Variants in FER observed in about 807,000 individuals in gnomAD.
FER encodes the protein tyrosine-protein kinase Fer.
In FER, 63 loss-of-function variants were observed where a neutral mutation model predicts 111.0. The ratio of observed to expected loss-of-function variants is 0.57; its 90% confidence interval spans 0.46 to 0.70. FER has a LOEUF of 0.70. FER is among the 30% of genes least tolerant of loss of function. The probability of loss-of-function intolerance (pLI) is 0.00; values close to 1 mark genes in which losing one functional copy is unlikely to be tolerated. For synonymous variants in FER, 327 were observed against 313.9 expected (o/e 1.04, Z -0.44); for missense variants, 914 against 954.0 (o/e 0.96, Z 0.55).
At chr5:109,075,980 A>C (rs1776289975) in intron 16 of FER, among the ~76,000 whole-genome samples, 1 of 152,010 alleles carries the variant, frequency 6.6e-6, no homozygotes, top group Non-Finnish European at 1.5e-5. Flanking sequence ...TTCAGAAAAG[A>C]AAAATGAAAA....
chr5:109,009,044 CTTTTTTTTT>C (rs1030906789), intron 13 of FER, among the ~76,000 whole-genome samples: 2 of 116,014 alleles, frequency 1.7e-5, no homozygotes, highest in Non-Finnish European at 3.4e-5. Context: ...CCTCTTCAGT[CTTTTTTTTT>C]TTTTTTTTTT....
chr5:109,047,177 A>G lies in FER; in HGVS notation c.1903A>G (p.Ile635Val), dbSNP rs1561822528. ...TTGCACACAAAGACAGCCTGTCTAC[A>G]TCATTATGGAACTGGTTTCAGGTAA... ...GVCTQRQPVY[I>V]IMELVSGGDF... The change falls in exon 16 of 20, where the codon ATC becomes GTC. Residue 635 changes from isoleucine to valine, a missense_variant. Around this residue, in one of 3 missense-constraint regions of FER, gnomAD observed 774 missense variants for 782.6 expected, o/e 0.99. Transcript: ENST00000281092. The G allele has an allele frequency of 6.2e-7, 1 of 1,602,728 alleles. No individual in the cohort carries two copies. Among genetic ancestry groups the G allele is most frequent in the Non-Finnish European group, 8.5e-7 (1 of 1,173,392 alleles).
intron 6 of FER, among the ~76,000 whole-genome samples, chr5:108,868,346 A>G (rs983273783): frequency 2.0e-5 from 3 of 151,864 alleles, no homozygotes; most frequent in Non-Finnish European, 2.9e-5. Context: ...TTTTTTCTGT[A>G]TAAGATTAAA....
In FER at chr5:108,959,372, CTG is replaced by C. The variant is rs777811359; in HGVS notation, c.1656+27_1656+28del. On this transcript the variant is annotated intron_variant, in intron 13 of 19. Transcript: ENST00000281092. ...GGTAGGTGCTTATATACTTTTTTGT[CTG>C]TTTGTTTTAAAAGAATTTTTGGTGA... is the stretch of plus-strand genomic sequence containing the variant. 3 of 1,560,668 alleles carry C rather than the reference CTG, an allele frequency of 1.9e-6. No individual in the cohort carries two copies. The African/African-American group carries it at 4.2e-5, about 22-fold the overall frequency.
At chr5:109,067,045 C>G (rs894691970) in intron 16 of FER, among the ~76,000 whole-genome samples, 5 of 152,108 alleles carry the variant, frequency 3.3e-5, no homozygotes, top group Non-Finnish European at 7.4e-5. Flanking sequence ...ATAGCAAATG[C>G]AAAAACCTGT....
intron 1 of FER, among the ~76,000 whole-genome samples, chr5:108,750,811 C>T (rs1750406062): frequency 6.6e-6 from 1 of 152,172 alleles, no homozygotes; most frequent in Non-Finnish European, 1.5e-5. Flanking sequence ...GAACCCACCA[C>T]CTATATATTT....
intron 3 of FER, among the ~76,000 whole-genome samples, chr5:108,822,565 G>C (rs1758966105): frequency 6.6e-6 from 1 of 152,080 alleles, no homozygotes; most frequent in Non-Finnish European, 1.5e-5. Context: ...TGCTACAAGA[G>C]CTAATCTAGT....
At chr5:109,103,808 G>A (rs944378850) in intron 17 of FER, among the ~76,000 whole-genome samples, 2 of 152,078 alleles carry the variant, frequency 1.3e-5, no homozygotes, top group Non-Finnish European at 2.9e-5. Context: ...GAAGTTAAGG[G>A]GAGTCAGGAT....
intron 2 of FER, among the ~76,000 whole-genome samples, chr5:108,773,769 A>G (rs1753181580): frequency 6.6e-6 from 1 of 152,138 alleles, no homozygotes; most frequent in Admixed American, 6.5e-5. Context: ...AGGAATCGCC[A>G]CACTGTCTTC....
intron 17 of FER, among the ~76,000 whole-genome samples, chr5:109,163,128 A>G (rs1027089067): frequency 6.6e-6 from 1 of 152,112 alleles, no homozygotes; most frequent in Non-Finnish European, 1.5e-5. Context: ...AGATCATTTC[A>G]TTAGAACAAA....
chr5:108,996,642 C>T (rs931121000), intron 13 of FER, among the ~76,000 whole-genome samples: 2 of 152,160 alleles, frequency 1.3e-5, no homozygotes, highest in Non-Finnish European at 1.5e-5. Context: ...ATACCAGTAC[C>T]ATGCTGTTTT....
chr5:108,841,576 A>C (rs1370363856), intron 5 of FER, among the ~76,000 whole-genome samples: 1 of 151,986 alleles, frequency 6.6e-6, no homozygotes, highest in Admixed American at 6.6e-5. Flanking sequence ...TGCCTTAACA[A>C]CTCCCTTTGA....
intron 3 of FER, among the ~76,000 whole-genome samples, chr5:108,824,054 T>G (rs1462973820): frequency 6.6e-6 from 1 of 152,196 alleles, no homozygotes; most frequent in Non-Finnish European, 1.5e-5. Flanking sequence ...TATTGTGTAT[T>G]CTTGGTGCCC....
intron 16 of FER, among the ~76,000 whole-genome samples, chr5:109,071,475 T>A (rs1775754550): frequency 1.3e-5 from 2 of 150,388 alleles, no homozygotes; most frequent in African/African-American, 4.8e-5. Context: ...AGTAAACCAT[T>A]TTATAGTGAC....
At position 109,188,258 on chromosome 5, in the gene FER, T is replaced by C. The variant is rs1009994707; in HGVS notation, c.*683T>C. The C allele has an allele frequency of 1.4e-5, 2 of 142,308 alleles. No homozygotes were observed. Among genetic ancestry groups the C allele is most frequent in the Non-Finnish European group, 3.1e-5 (2 of 65,350 alleles). The allele number at this position is 142,308 out of a possible 1,614,324, so 8.8% of individuals were successfully genotyped here. ...CTGTAATCCCAGGCATGTAATCTCATGCCTGGGATTACAGGCGTGAGCCAC... is the reference window on the plus strand; with the variant it reads ...CTGTAATCCCAGGCATGTAATCTCACGCCTGGGATTACAGGCGTGAGCCAC... On this transcript the variant is annotated 3_prime_UTR_variant, in exon 20 of 20. Transcript: ENST00000281092.
intron 17 of FER, among the ~76,000 whole-genome samples, chr5:109,115,769 T>A (rs1194463873): frequency 6.6e-6 from 1 of 152,098 alleles, no homozygotes; most frequent in Non-Finnish European, 1.5e-5. Flanking sequence ...ATTTATAAAC[T>A]TGGTAGTTAG....
At chr5:109,176,738 A>G (rs569867395) in intron 17 of FER, among the ~76,000 whole-genome samples, 28 of 152,312 alleles carry the variant, frequency 1.8e-4, no homozygotes, top group Non-Finnish European at 3.7e-4. Flanking sequence ...TCCCATAAAT[A>G]TGTACGATTA....
At chr5:108,931,406 C>T (rs116899432) in intron 10 of FER, among the ~76,000 whole-genome samples, 4 of 152,042 alleles carry the variant, frequency 2.6e-5, no homozygotes, top group East Asian at 1.9e-4. Flanking sequence ...TGTCACTGAA[C>T]GAAGGATTTC....
intron 9 of FER, among the ~76,000 whole-genome samples, chr5:108,887,031 A>T (rs1026140815): frequency 6.6e-6 from 1 of 151,702 alleles, no homozygotes; most frequent in African/African-American, 2.4e-5. Flanking sequence ...ATGTTTAAAT[A>T]TGCATATATA....
Sources: allele counts gnomAD v4.1 joint callset (sites outside exome capture counted in the v4.1 genomes callset), GRCh38; gene constraint gnomAD v4.1.1; regional missense constraint gnomAD v4.1.1; transcripts MANE v1.5; gene names NCBI Gene and HGNC (gene_info 2026-07-23, HGNC 2026-07-21).